PLAC8L1: variants seen among roughly 807,000 people sequenced by gnomAD.
PLAC8L1 encodes PLAC8 like 1.
Under a neutral mutation model 16.3 loss-of-function variants are expected in PLAC8L1, and 13 were observed. That is an observed-to-expected ratio of 0.80 (90% CI 0.52 to 1.27). PLAC8L1 has a LOEUF of 1.27. Among genes scored for constraint, PLAC8L1 ranks in the 50% most tolerant of loss-of-function variants. The pLI is 0.00. For missense variants in PLAC8L1, 184 were observed against 220.2 expected (o/e 0.84, Z 1.04); for synonymous variants, 78 against 79.3 (o/e 0.98, Z 0.09).
At chr5:146,102,004 A>C (rs1294638667) in intron 1 of PLAC8L1, among the ~76,000 whole-genome samples, 2 of 151,504 alleles carry the variant, frequency 1.3e-5, no homozygotes, top group Admixed American at 1.3e-4. Flanking sequence ...GCTTTTCCTT[A>C]ATGGAAAAAG....
chr5:146,102,653 T>C (rs978653974), intron 1 of PLAC8L1, among the ~76,000 whole-genome samples: 2 of 152,212 alleles, frequency 1.3e-5, no homozygotes, highest in African/African-American at 4.8e-5. Flanking sequence ...AAAGCTCTGC[T>C]AAACCAGAGA....
At chr5:146,084,670 G>T in intron 3 of PLAC8L1, 98 bp from the exon 4 acceptor site, 1 of 1,469,682 alleles carries the variant, frequency 6.8e-7, no homozygotes, top group Non-Finnish European at 9.2e-7. Context: ...TTCAACCACA[G>T]CTTCCAAGGT....
intron 2 of PLAC8L1, among the ~76,000 whole-genome samples, chr5:146,086,280 C>T (rs1243098697): frequency 9.9e-5 from 15 of 152,178 alleles, no homozygotes; most frequent in Admixed American, 8.5e-4. Context: ...CCGCCCGCCT[C>T]GGCCTCCCAA....
At chr5:146,090,720 T>A (rs1470059762) in intron 2 of PLAC8L1, among the ~76,000 whole-genome samples, 1 of 152,006 alleles carries the variant, frequency 6.6e-6, no homozygotes, top group Non-Finnish European at 1.5e-5. Flanking sequence ...TATTAAGACA[T>A]CCAGAAACTA....
intron 1 of PLAC8L1, among the ~76,000 whole-genome samples, chr5:146,103,495 G>A (rs954788108): frequency 6.6e-6 from 1 of 152,062 alleles, no homozygotes; most frequent in African/African-American, 2.4e-5. Context: ...GATTCAGTCA[G>A]GGTAACCAAC....
rs991981086 is a variant in PLAC8L1, at chr5:146,105,545, A to C, written c.-1234T>G. 6.6e-6 allele frequency among the ~76,000 whole-genome samples: 1 copy of C among 150,750 alleles called. No individual in the cohort carries two copies. The highest frequency in any genetic ancestry group is 1.5e-5 in the Non-Finnish European group (1 of 67,774). On this transcript the variant is annotated 5_prime_UTR_variant, in exon 1 of 4. Coordinates refer to ENST00000311450, the MANE Select transcript of PLAC8L1 (RefSeq NM_001029869.3). ...TACATGAAAATTCAGGTTTATAAGA[A>C]TAACAGAAATTAAGAGGTGATTACT...
At chr5:146,103,863 T>G in intron 1 of PLAC8L1, 2 of 985,388 alleles carry the variant, frequency 2.0e-6, no homozygotes, top group African/African-American at 1.7e-5. Flanking sequence ...TATTTCAAAC[T>G]CAGCTGAAGC....
At chr5:146,100,573 A>G (rs1247083193) in intron 1 of PLAC8L1, among the ~76,000 whole-genome samples, 1 of 152,240 alleles carries the variant, frequency 6.6e-6, no homozygotes, top group African/African-American at 2.4e-5. Flanking sequence ...CTCATTTTGC[A>G]AAAATTCCCA....
intron 1 of PLAC8L1, among the ~76,000 whole-genome samples, chr5:146,100,939 C>T (rs1763805554): frequency 6.6e-6 from 1 of 152,128 alleles, no homozygotes; most frequent in African/African-American, 2.4e-5. Context: ...GTGGCTCATG[C>T]CTATAATCCC....
chr5:146,098,960 T>C lies in PLAC8L1; in HGVS notation c.120-668A>G, dbSNP rs191306283. On this transcript the variant is annotated intron_variant, in intron 1 of 3. Transcript: ENST00000311450. ...ACCTAGTGGTGCCACAAAGTATACTTTGGGTTGATTTTCCCAGAAAGGGAT... is the reference window on the plus strand; with the variant it reads ...ACCTAGTGGTGCCACAAAGTATACTCTGGGTTGATTTTCCCAGAAAGGGAT... Among the ~76,000 whole-genome samples the C allele has an allele frequency of 3.3e-5, 5 of 152,342 alleles. No individual in the cohort carries two copies. The East Asian group carries it at 9.6e-4, about 29-fold the overall frequency.
chr5:146,101,641 T>C (rs1413415193), intron 1 of PLAC8L1, among the ~76,000 whole-genome samples: 2 of 152,202 alleles, frequency 1.3e-5, no homozygotes, highest in African/African-American at 4.8e-5. Flanking sequence ...GTCTCTTCTG[T>C]TATATTTGAG....
chr5:146,085,605 T>A lies in PLAC8L1; in HGVS notation c.257-8A>T. On this transcript the variant is annotated splice_region_variant and splice_polypyrimidine_tract_variant and intron_variant, in intron 2 of 3. Transcript: ENST00000311450. ...AGAATAGACCACAGAAACCTGTCAATAACCACATCCAAAAAGCCAAGGTTC... is the reference window on the plus strand; with the variant it reads ...AGAATAGACCACAGAAACCTGTCAAAAACCACATCCAAAAAGCCAAGGTTC... 6.3e-7 allele frequency: 1 copy of A among 1,599,788 alleles called. No individual in the cohort carries two copies. The highest frequency in any genetic ancestry group is 8.5e-7 in the Non-Finnish European group (1 of 1,172,234).
At chr5:146,098,484 C>T (rs1358706450) in intron 1 of PLAC8L1, among the ~76,000 whole-genome samples, 192 bp from the exon 2 acceptor site, 1 of 152,030 alleles carries the variant, frequency 6.6e-6, no homozygotes. Context: ...TTTGCCTCAT[C>T]TCTATTAATG....
intron 1 of PLAC8L1, 99 bp downstream of exon 1, chr5:146,104,094 A>C: frequency 6.7e-7 from 1 of 1,486,006 alleles, no homozygotes; most frequent in Non-Finnish European, 8.9e-7. Context: ...TTTCTTCCCA[A>C]GCCCAGTTTT....
intron 2 of PLAC8L1, among the ~76,000 whole-genome samples, chr5:146,091,976 G>A (rs1375397534): frequency 1.3e-5 from 2 of 151,998 alleles, no homozygotes; most frequent in East Asian, 3.9e-4. Flanking sequence ...TAAAGGCCTG[G>A]TGGTTATGTA....
intron 1 of PLAC8L1, 38 bp from the exon 2 acceptor site, chr5:146,098,330 G>A: frequency 6.2e-7 from 1 of 1,601,262 alleles, no homozygotes; most frequent in East Asian, 2.2e-5. Context: ...TGGAAACAAA[G>A]GTGTTTCAGA....
intron 1 of PLAC8L1, chr5:146,103,977 C>T (rs960217962): frequency 3.5e-5 from 34 of 985,260 alleles, no homozygotes; most frequent in Non-Finnish European, 4.1e-5. Flanking sequence ...TAAAGAGATA[C>T]CATTTCACCC....
At chr5:146,088,980 A>G (rs1763566476) in intron 2 of PLAC8L1, among the ~76,000 whole-genome samples, 1 of 152,212 alleles carries the variant, frequency 6.6e-6, no homozygotes, top group South Asian at 2.1e-4. Context: ...AAAAAAATTA[A>G]TCAAAACTTG....
Position 146,099,870 on chromosome 5 carries a change from T to C in PLAC8L1, c.120-1578A>G, listed in dbSNP as rs547917434. ...TCATGGTATTATAGTATAAGTTGCA[T>C]TGTGGATCTTATTAAGATCCACATC... is the stretch of plus-strand genomic sequence containing the variant. On this transcript the variant is annotated intron_variant, in intron 1 of 3. Transcript: ENST00000311450. 6.9e-4 allele frequency among the ~76,000 whole-genome samples: 105 copies of C among 152,222 alleles called. 1 individual carries two copies. The highest frequency in any genetic ancestry group is 2.3e-3 in the African/African-American group (96 of 41,542).
Sources: gnomAD v4.1 joint callset for allele counts (sites outside exome capture counted in the v4.1 genomes callset) on GRCh38, gnomAD v4.1.1 for gene constraint, MANE v1.5 for transcripts, NCBI Gene and HGNC (gene_info 2026-07-23, HGNC 2026-07-21) for gene names.